Variants in POU6F2 observed in about 807,000 individuals in gnomAD.
The protein encoded by POU6F2 is POU class 6 homeobox 2.
In POU6F2, 31 loss-of-function variants were observed where a neutral mutation model predicts 71.3. The observed-to-expected ratio is 0.43, with a 90% CI of 0.33 to 0.59. The LOEUF (loss-of-function observed/expected upper bound fraction) is 0.59, where lower values mean the gene tolerates loss of function less well. POU6F2 is among the 20% of genes least tolerant of loss of function. POU6F2 has a pLI of 0.04. For missense variants in POU6F2, 783 were observed against 856.8 expected (o/e 0.91, Z 1.07); for synonymous variants, 347 against 355.7 (o/e 0.98, Z 0.27).
intron 5 of POU6F2, among the ~76,000 whole-genome samples, chr7:39,386,355 A>G (rs1459498595): frequency 7.2e-5 from 11 of 152,160 alleles, no homozygotes; most frequent in Admixed American, 6.5e-4. Context: ...CTGGAACTCT[A>G]TCTAGGTGAC....
intron 4 of POU6F2, among the ~76,000 whole-genome samples, chr7:39,235,256 A>T (rs1794654481): frequency 6.6e-6 from 1 of 152,236 alleles, no homozygotes; most frequent in Admixed American, 6.5e-5. Context: ...GAAAAGGAAA[A>T]GGAGGCAACA....
At chr7:39,164,114 T>G (rs7788521) in intron 2 of POU6F2, among the ~76,000 whole-genome samples, 61,969 of 151,788 alleles carry the variant, frequency 0.41, 13,113 homozygotes, top group East Asian at 0.75. Flanking sequence ...CACAAAAAAG[T>G]TAACTATAAT....
chr7:39,012,614 T>A (rs1789326085), intron 1 of POU6F2, among the ~76,000 whole-genome samples: 1 of 152,172 alleles, frequency 6.6e-6, no homozygotes, highest in African/African-American at 2.4e-5. Context: ...ATTTTAGAGT[T>A]TCCAGTTTTT....
intron 2 of POU6F2, among the ~76,000 whole-genome samples, chr7:39,095,695 G>T (rs1288143516): frequency 6.6e-6 from 1 of 152,140 alleles, no homozygotes; most frequent in Non-Finnish European, 1.5e-5. Context: ...GCAGGACTGT[G>T]ATTTAGCCGC....
At chr7:39,356,802 A>G (rs1159881492) in intron 5 of POU6F2, among the ~76,000 whole-genome samples, 3 of 152,208 alleles carry the variant, frequency 2.0e-5, no homozygotes, top group Admixed American at 2.0e-4. Context: ...AAAGCCTTAG[A>G]TGCTACGATG....
chr7:39,035,501 A>G (rs1302774739), intron 1 of POU6F2, among the ~76,000 whole-genome samples: 1 of 152,176 alleles, frequency 6.6e-6, no homozygotes, highest in Non-Finnish European at 1.5e-5. Context: ...GGTGTATCCC[A>G]CAGGGGAACT....
At chr7:39,106,721 A>G (rs1311147738) in intron 2 of POU6F2, among the ~76,000 whole-genome samples, 1 of 152,210 alleles carries the variant, frequency 6.6e-6, no homozygotes, top group African/African-American at 2.4e-5. Context: ...GAATTACTAA[A>G]TCAGTAGGTG....
intron 4 of POU6F2, among the ~76,000 whole-genome samples, chr7:39,303,723 G>A (rs951119342): frequency 6.6e-6 from 1 of 152,148 alleles, no homozygotes; most frequent in African/African-American, 2.4e-5. Flanking sequence ...GCAATGGCCT[G>A]CAGACTTAGG....
At chr7:39,457,465 G>A (rs778479498) in intron 8 of POU6F2, among the ~76,000 whole-genome samples, 5 of 152,182 alleles carry the variant, frequency 3.3e-5, no homozygotes, top group East Asian at 1.9e-4. Flanking sequence ...TGCCTGCTCC[G>A]GAGCCCCTCC....
At chr7:39,079,346 G>A (rs923804859) in intron 1 of POU6F2, among the ~76,000 whole-genome samples, 4 of 151,644 alleles carry the variant, frequency 2.6e-5, no homozygotes, top group Non-Finnish European at 4.4e-5. Flanking sequence ...CCGCAACCAC[G>A]CCCCACTAAT....
Position 39,204,299 on chromosome 7 carries a change from C to G in POU6F2, c.342C>G (p.Thr114=). ...CTGACCAACACCAGGCCAGTCAGAC[C>G]CACCCCCCATTTCCAGTTGGGCCAC... ...GTPDQHQASQ[T]HPPFPVGPQP... Residue 114 remains threonine (T), a synonymous_variant, in exon 3 of 10, where the codon ACC becomes ACG. Coordinates refer to ENST00000518318, the MANE Select transcript of POU6F2 (RefSeq NM_001370959.1). 1 of 1,613,660 alleles carries G rather than the reference C, an allele frequency of 6.2e-7. No individual in the cohort carries two copies. The highest frequency in any genetic ancestry group is 1.1e-5 in the South Asian group (1 of 91,040).
At chr7:39,418,894 CATGT>C (rs1283095234) in intron 6 of POU6F2, among the ~76,000 whole-genome samples, 1 of 118,588 alleles carries the variant, frequency 8.4e-6, no homozygotes, top group African/African-American at 3.2e-5. Flanking sequence ...GTGCTCTCTT[CATGT>C]GTGTGTGTGT....
chr7:39,368,315 G>A (rs1786544812), intron 5 of POU6F2, among the ~76,000 whole-genome samples: 1 of 152,178 alleles, frequency 6.6e-6, no homozygotes, highest in African/African-American at 2.4e-5. Flanking sequence ...GATCAAACCA[G>A]CCACAACACT....
intron 1 of POU6F2, among the ~76,000 whole-genome samples, chr7:39,070,535 T>C (rs1377764715): frequency 2.6e-5 from 4 of 151,798 alleles, no homozygotes; most frequent in Non-Finnish European, 5.9e-5. Context: ...GGCCAAAAAA[T>C]GGCCTACTAG....
chr7:39,374,783 G>T (rs186805772), intron 5 of POU6F2, among the ~76,000 whole-genome samples: 133 of 152,330 alleles, frequency 8.7e-4, no homozygotes, highest in Admixed American at 1.8e-3. Context: ...AAGGATCATT[G>T]TAAAGTCCCA....
chr7:39,421,684 T>TTTG (rs762418539), intron 6 of POU6F2, among the ~76,000 whole-genome samples: 1 of 152,144 alleles, frequency 6.6e-6, no homozygotes, highest in Non-Finnish European at 1.5e-5. Flanking sequence ...AATTTAGGGT[T>TTTG]TTGTTGTTGT....
chr7:39,447,027 T>C (rs1788540211), intron 7 of POU6F2, among the ~76,000 whole-genome samples: 2 of 152,130 alleles, frequency 1.3e-5, no homozygotes, highest in Admixed American at 6.6e-5. Flanking sequence ...TACAGATAAC[T>C]AGAATTAATT....
At chr7:39,006,064 G>A (rs556079136) in intron 1 of POU6F2, among the ~76,000 whole-genome samples, 2 of 152,232 alleles carry the variant, frequency 1.3e-5, no homozygotes, top group African/African-American at 4.8e-5. Flanking sequence ...TTGTGGTATT[G>A]GGGGGACATG....
chr7:39,289,889 T>C (rs562857477), intron 4 of POU6F2, among the ~76,000 whole-genome samples: 9 of 152,160 alleles, frequency 5.9e-5, no homozygotes, highest in Non-Finnish European at 1.2e-4. Flanking sequence ...TCACAGTTGC[T>C]GTCAGTAGTG....
Sources: allele counts gnomAD v4.1 joint callset (sites outside exome capture counted in the v4.1 genomes callset), GRCh38; gene constraint gnomAD v4.1.1; transcripts MANE v1.5; gene names NCBI Gene and HGNC (gene_info 2026-07-23, HGNC 2026-07-21).